Variants in ABCA12 observed in about 807,000 individuals in gnomAD.
The protein encoded by ABCA12 is ATP binding cassette subfamily A member 12.
A neutral mutation model predicts 293.5 loss-of-function variants in ABCA12; 156 were observed. That is an observed-to-expected ratio of 0.53 (90% CI 0.47 to 0.61). The LOEUF (loss-of-function observed/expected upper bound fraction) is 0.61. ABCA12 is among the 20% of genes least tolerant of loss of function. The pLI is 0.00. For synonymous variants in ABCA12, 1,063 were observed against 1,108.0 expected, an observed-to-expected ratio of 0.96 and a Z score of 0.81; for missense variants, 2,797 against 3,090.2, an observed-to-expected ratio of 0.91 and a Z score of 2.25.
chr2:214,951,047 C>T lies in ABCA12; in HGVS notation c.6684G>A (p.Arg2228=), dbSNP rs1698750255. 3 of 1,614,060 alleles carry T rather than the reference C, an allele frequency of 1.9e-6. No homozygotes were observed. Among genetic ancestry groups the T allele is most frequent in the Non-Finnish European group, 2.5e-6 (3 of 1,179,992 alleles). ...FFRKFNSSHV[R]ETIDEDEDVR... ...CATCTTCATCCTCATCTATTGTCTC[C>T]CTTACATGTGAAGAATTAAATTTTC... The change falls in exon 45 of 53, where the codon AGG becomes AGA. Residue 2228 remains arginine (R), a synonymous_variant. Coordinates refer to ENST00000272895, the MANE Select transcript of ABCA12 (RefSeq NM_173076.3).
intron 15 of ABCA12, among the ~76,000 whole-genome samples, chr2:215,014,482 T>C (rs908010260): frequency 1.3e-5 from 2 of 152,148 alleles, no homozygotes; most frequent in African/African-American, 4.8e-5. Flanking sequence ...GAGGAATCAT[T>C]GTGCAGATCA....
chr2:215,026,898 T>C lies in ABCA12; in HGVS notation c.1102A>G (p.Ile368Val). The C allele has an allele frequency of 6.2e-7, 1 of 1,613,218 alleles. No individual in the cohort carries two copies. Among genetic ancestry groups the C allele is most frequent in the Non-Finnish European group, 8.5e-7 (1 of 1,179,184 alleles). Residue 368 changes from isoleucine (I) to valine (V), a missense_variant, in exon 10 of 53, where the codon ATA (isoleucine) becomes GTA (valine). By Grantham distance (29) the Ile-to-Val change is conservative. Transcript: ENST00000272895. ...LENFEDALLN[I>V]SANSPYIPYL... is the part of the protein sequence containing the mutation. The stretch of plus-strand genomic sequence containing the variant: ...GGAATATAAGGACTATTTGCTGATA[T>C]ATTTAAGAGGGCATCTTCAAAGTTT...
At chr2:214,987,907 A>C (rs1369728100) in intron 26 of ABCA12, 114 bp from the exon 27 acceptor site, 1 of 1,310,502 alleles carries the variant, frequency 7.6e-7, no homozygotes, top group Non-Finnish European at 1.1e-6. Flanking sequence ...ATTTTTTGAC[A>C]CTATATAAAA....
intron 11 of ABCA12, among the ~76,000 whole-genome samples, chr2:215,024,980 T>C (rs1197230103): frequency 6.6e-6 from 1 of 152,208 alleles, no homozygotes; most frequent in Non-Finnish European, 1.5e-5. Context: ...TAAATTTTAA[T>C]ATAAATTATT....
intron 11 of ABCA12, among the ~76,000 whole-genome samples, chr2:215,021,309 G>A (rs1700626729): frequency 6.6e-6 from 1 of 152,138 alleles, no homozygotes; most frequent in Non-Finnish European, 1.5e-5. Flanking sequence ...TCTCTCTTAG[G>A]TATTACAGGA....
chr2:214,975,012 G>A, intron 34 of ABCA12, 148 bp from the exon 35 acceptor site: 1 of 717,706 alleles, frequency 1.4e-6, no homozygotes, highest in Non-Finnish European at 2.4e-6. Context: ...GCCCAGGCTG[G>A]AGTGCAGTAG....
In ABCA12 at chr2:215,007,743, G is replaced by A; in HGVS notation, c.2576C>T (p.Ala859Val). 1 of 1,613,994 alleles carries A rather than the reference G, an allele frequency of 6.2e-7. No individual in the cohort carries two copies. The highest frequency in any genetic ancestry group is 8.5e-7 in the Non-Finnish European group (1 of 1,179,924). Reference sequence around the variant, plus strand: ...ATCTCATACCTGGAGCATTGGAATTGCCTGGTTTAACAGATGGAAGGAATT... The same window carrying A: ...ATCTCATACCTGGAGCATTGGAATTACCTGGTTTAACAGATGGAAGGAATT... ...FMNSFHLLNQ[A>V]IPMLQNTLRN... Residue 859 changes from alanine to valine, a missense_variant, in exon 19 of 53, where the codon GCA (alanine) becomes GTA (valine). Physicochemically the swap from Ala to Val is moderately conservative, Grantham distance 64. Coordinates refer to ENST00000272895, the MANE Select transcript of ABCA12 (RefSeq NM_173076.3).
chr2:214,952,480 C>G (rs1387030955), intron 44 of ABCA12, among the ~76,000 whole-genome samples: 1 of 152,188 alleles, frequency 6.6e-6, no homozygotes, highest in Non-Finnish European at 1.5e-5. Flanking sequence ...CTTGGCCTCC[C>G]AAAGTGCTGG....
intron 2 of ABCA12, among the ~76,000 whole-genome samples, chr2:215,089,777 C>T (rs1702104734): frequency 6.6e-6 from 1 of 152,202 alleles, no homozygotes; most frequent in Non-Finnish European, 1.5e-5. Context: ...ATTAGCAGAA[C>T]TAATATAAGA....
At chr2:215,122,747 GA>G (rs1304730378) in intron 1 of ABCA12, among the ~76,000 whole-genome samples, 1 of 152,182 alleles carries the variant, frequency 6.6e-6, no homozygotes, top group Non-Finnish European at 1.5e-5. Context: ...CACCTCTGTT[GA>G]AATTTGAAGT....
At chr2:214,997,947 A>G (rs1443525126) in intron 22 of ABCA12, 138 bp from the exon 23 acceptor site, 7 of 628,120 alleles carry the variant, frequency 1.1e-5, no homozygotes, top group Non-Finnish European at 2.0e-5. Flanking sequence ...AATCGGTATT[A>G]CCCCATTATT....
chr2:215,045,452 T>A (rs930720896), intron 7 of ABCA12, among the ~76,000 whole-genome samples: 1 of 152,166 alleles, frequency 6.6e-6, no homozygotes, highest in Non-Finnish European at 1.5e-5. Context: ...CAAACAAAAC[T>A]CACTGAGATA....
chr2:215,082,289 T>A (rs891154380), intron 2 of ABCA12, among the ~76,000 whole-genome samples: 1 of 151,926 alleles, frequency 6.6e-6, no homozygotes, highest in African/African-American at 2.4e-5. Flanking sequence ...GTGATCCACC[T>A]GCCTCGGCCT....
At chr2:215,026,761 T>C in intron 10 of ABCA12, 59 bp downstream of exon 10, 1 of 1,413,548 alleles carries the variant, frequency 7.1e-7, no homozygotes, top group Non-Finnish European at 1.0e-6. Flanking sequence ...AAAAACTCAC[T>C]ACTTTAGAAC....
intron 23 of ABCA12, among the ~76,000 whole-genome samples, chr2:214,996,841 CG>C (rs1275107815): frequency 6.6e-6 from 1 of 152,106 alleles, no homozygotes; most frequent in Non-Finnish European, 1.5e-5. Flanking sequence ...AGTGGATGGA[CG>C]GGTTCCTCTA....
chr2:215,017,349 C>G (rs1426229918), intron 14 of ABCA12, among the ~76,000 whole-genome samples: 1 of 152,052 alleles, frequency 6.6e-6, no homozygotes, highest in Non-Finnish European at 1.5e-5. Flanking sequence ...AGTGGAAAAC[C>G]CTATTACCAG....
chr2:215,094,296 C>CATCA lies in ABCA12; in HGVS notation c.163+17297_163+17300dup, dbSNP rs372079596. 4.3e-4 allele frequency among the ~76,000 whole-genome samples: 65 copies of CATCA among 152,274 alleles called. No homozygotes were observed. In the East Asian group the frequency reaches 8.3e-3, roughly 19 times the overall value. ...AGATGGAGTACTTCACTGCAAAGGCCATCAAAGGGCCTCAGACCCCATTGC... is the reference window on the plus strand; with the variant it reads ...AGATGGAGTACTTCACTGCAAAGGCCATCAATCAAAGGGCCTCAGACCCCATTGC... On this transcript the variant is annotated intron_variant, in intron 2 of 52. Coordinates refer to ENST00000272895, the MANE Select transcript of ABCA12 (RefSeq NM_173076.3).
chr2:214,983,193 TC>T (rs1310845544), intron 29 of ABCA12, among the ~76,000 whole-genome samples: 2 of 152,142 alleles, frequency 1.3e-5, no homozygotes, highest in African/African-American at 4.8e-5. Context: ...ACTTAGGACC[TC>T]CTAAGTCTTG....
In ABCA12 at chr2:214,983,803, A is replaced by G. The variant is rs751596949; in HGVS notation, c.4226T>C (p.Ile1409Thr). 3 of 1,613,776 alleles carry G rather than the reference A, an allele frequency of 1.9e-6. No homozygotes were observed. The highest frequency in any genetic ancestry group is 2.5e-6 in the Non-Finnish European group (3 of 1,179,920). Residue 1409 changes from isoleucine (I) to threonine (T), a missense_variant, in exon 29 of 53, where the codon ATC (isoleucine) becomes ACC (threonine). Physicochemically the swap from Ile to Thr is moderately conservative, Grantham distance 89. Around this residue, in one of 3 missense-constraint regions of ABCA12, gnomAD observed 2,130 missense variants for 2,427.0 expected, o/e 0.88. Coordinates refer to ENST00000272895, the MANE Select transcript of ABCA12 (RefSeq NM_173076.3). ...CCGTACCGTGTGTAGGTCTGTTTTG[A>G]TATCTTTTCCATATACAAAAATGGT... ...AGTIFVYGKD[I>T]KTDLHTVRKN...
Sources: gnomAD v4.1 joint callset for allele counts (sites outside exome capture counted in the v4.1 genomes callset) on GRCh38, gnomAD v4.1.1 for gene constraint, gnomAD v4.1.1 regional missense constraint, MANE v1.5 for transcripts, NCBI Gene and HGNC (gene_info 2026-07-23, HGNC 2026-07-21) for gene names.